RAPGEF6: variants seen among roughly 807,000 people sequenced by gnomAD.
RAPGEF6 encodes the protein PDZ domain containing guanine nucleotide exchange factor (GEF) 2.
Under a neutral mutation model 171.4 loss-of-function variants are expected in RAPGEF6, and 56 were observed. That is an observed-to-expected ratio of 0.33 (90% CI 0.26 to 0.41). RAPGEF6 has a LOEUF of 0.41. Ranked by LOEUF, RAPGEF6 falls within the 10% of genes least tolerant of loss-of-function variation. RAPGEF6 has a pLI of 1.00. For missense variants in RAPGEF6, 1,674 were observed against 1,921.4 expected, an observed-to-expected ratio of 0.87 and a Z score of 2.41; for synonymous variants, 692 against 650.1, an observed-to-expected ratio of 1.06 and a Z score of -0.98.
rs113337728 is a variant in RAPGEF6, at chr5:131,519,077, T to C, written c.627+2313A>G. On this transcript the variant is annotated intron_variant, in intron 7 of 27. Transcript: ENST00000509018. ...GTCATATGGATACTTTCTGAGGTGA[T>C]GGAAATATTCTACATATTGATATAG... 3.4e-3 allele frequency among the ~76,000 whole-genome samples: 515 copies of C among 152,292 alleles called. 2 individuals carry two copies. The highest frequency in any genetic ancestry group is 0.012 in the African/African-American group (493 of 41,572).
Position 131,525,628 on chromosome 5 carries a change from C to A in RAPGEF6, c.496-4107G>T, listed in dbSNP as rs985658689. ...ATGAGGGTATGATACAGTTCAAAGA[C>A]CTTCCTCCCACTTAGTTTCTATCAT... is the stretch of plus-strand genomic sequence containing the variant. On this transcript the variant is annotated intron_variant, in intron 6 of 27. Transcript: ENST00000509018. Among the ~76,000 whole-genome samples the A allele has an allele frequency of 5.3e-5, 8 of 150,386 alleles. No homozygotes were observed. In the Admixed American group the frequency reaches 5.4e-4, roughly 10 times the overall value.
At chr5:131,432,797 A>G (rs1751789222) in intron 25 of RAPGEF6, among the ~76,000 whole-genome samples, 1 of 152,076 alleles carries the variant, frequency 6.6e-6, no homozygotes. Context: ...ACATTTGCTG[A>G]CCTCTGGTGT....
At chr5:131,607,119 C>T (rs1764649797) in intron 1 of RAPGEF6, among the ~76,000 whole-genome samples, 1 of 152,120 alleles carries the variant, frequency 6.6e-6, no homozygotes, top group Non-Finnish European at 1.5e-5. Context: ...AATAATGGGT[C>T]CATGACCTGT....
chr5:131,452,848 T>C (rs887143336), intron 21 of RAPGEF6, among the ~76,000 whole-genome samples: 2 of 152,226 alleles, frequency 1.3e-5, no homozygotes, highest in Non-Finnish European at 2.9e-5. Context: ...CTGAGCTTCA[T>C]TCAGTTTCTT....
Position 131,431,248 on chromosome 5 carries a change from T to C in RAPGEF6, c.4076A>G (p.Asp1359Gly). 2 of 1,614,252 alleles carry C rather than the reference T, an allele frequency of 1.2e-6. No homozygotes were observed. The highest frequency in any genetic ancestry group is 1.3e-5 in the African/African-American group (1 of 75,072). ...SQEHIIIEAA[D>G]SGRGSWTSCS... Reference sequence around the variant, plus strand: ...CGAAGTCCAACTTCCACGACCACTGTCAGCTGCTTCTATAATGATATGCTC... The same window carrying C: ...CGAAGTCCAACTTCCACGACCACTGCCAGCTGCTTCTATAATGATATGCTC... Residue 1359 changes from aspartate (D) to glycine (G), a missense_variant, in exon 26 of 28, where the codon GAC becomes GGC. This residue lies in a region of RAPGEF6 where 552 missense variants were observed against 574.2 expected (regional missense o/e 0.96). Coordinates refer to ENST00000509018, the MANE Select transcript of RAPGEF6 (RefSeq NM_016340.6).
intron 8 of RAPGEF6, among the ~76,000 whole-genome samples, chr5:131,509,403 C>T (rs185614109): frequency 1.6e-3 from 250 of 151,992 alleles, no homozygotes; most frequent in Middle Eastern, 6.8e-3. Flanking sequence ...ATTAGCCAGG[C>T]GTGGTGGCGG....
intron 19 of RAPGEF6, 90 bp from the exon 20 acceptor site, chr5:131,456,102 G>A (rs2149827930): frequency 5.9e-6 from 5 of 854,032 alleles, no homozygotes; most frequent in Non-Finnish European, 9.1e-6. Flanking sequence ...TCTAATAAAA[G>A]TAAAAATAAG....
At chr5:131,563,569 T>G (rs1294956627) in intron 4 of RAPGEF6, among the ~76,000 whole-genome samples, 2 of 152,222 alleles carry the variant, frequency 1.3e-5, no homozygotes, top group East Asian at 3.8e-4. Context: ...AGTGGTGCAA[T>G]CACGGCTCAC....
intron 6 of RAPGEF6, among the ~76,000 whole-genome samples, chr5:131,523,715 T>C (rs1042589042): frequency 6.6e-5 from 10 of 151,908 alleles, no homozygotes; most frequent in South Asian, 2.1e-4. Context: ...AGCAAGATGA[T>C]AGCTAAGCAT....
chr5:131,428,647 A>C (rs1751513649), intron 27 of RAPGEF6, among the ~76,000 whole-genome samples: 1 of 151,884 alleles, frequency 6.6e-6, no homozygotes. Context: ...TTTTTAGTAG[A>C]GACGGGGTTT....
At position 131,505,496 on chromosome 5, in the gene RAPGEF6, G is replaced by T; in HGVS notation, c.969C>A (p.Asn323Lys). ...CTGGATGACTGATTTCCACAGTGCC[G>T]TTTAAAATAACATACCATGAGTCAA... Reference protein sequence around the residue: ...QELDSWYVILNGTVEISHPDG... With the variant: ...QELDSWYVILKGTVEISHPDG... The change falls in exon 10 of 28, where the codon AAC becomes AAA. Residue 323 changes from asparagine to lysine, a missense_variant. Asn to Lys is a moderately conservative substitution (Grantham distance 94). Coordinates refer to ENST00000509018, the MANE Select transcript of RAPGEF6 (RefSeq NM_016340.6). 6.2e-7 allele frequency: 1 copy of T among 1,613,104 alleles called. No individual in the cohort carries two copies. The highest frequency in any genetic ancestry group is 8.5e-7 in the Non-Finnish European group (1 of 1,179,504).
chr5:131,581,811 C>T (rs962347378), intron 4 of RAPGEF6, among the ~76,000 whole-genome samples: 1 of 152,142 alleles, frequency 6.6e-6, no homozygotes, highest in African/African-American at 2.4e-5. Flanking sequence ...TGCAAATGTA[C>T]TTTGTTAACA....
chr5:131,521,394 T>G lies in RAPGEF6; in HGVS notation c.623A>C (p.Tyr208Ser). 1 of 1,605,546 alleles carries G rather than the reference T, an allele frequency of 6.2e-7. No homozygotes were observed. Among genetic ancestry groups the G allele is most frequent in the Non-Finnish European group, 8.5e-7 (1 of 1,176,494 alleles). ...DSGSSSLSDI[Y>S]QATESEVGDV... is the part of the protein sequence containing the mutation. Reference sequence around the variant, plus strand: ...TACAAATTCCTAAGGTATTACCTGATAGATATCAGATAAACTGCTGCTTCC... The same window carrying G: ...TACAAATTCCTAAGGTATTACCTGAGAGATATCAGATAAACTGCTGCTTCC... Residue 208 changes from tyrosine (Y) to serine (S), a missense_variant, in exon 7 of 28, where the codon TAT becomes TCT. Physicochemically the swap from Tyr to Ser is moderately radical, Grantham distance 144. This residue lies in a region of RAPGEF6 where 1,116 missense variants were observed against 1,321.5 expected (regional missense o/e 0.84). Transcript: ENST00000509018.
chr5:131,465,853 G>A (rs929483999), intron 17 of RAPGEF6, among the ~76,000 whole-genome samples: 3 of 152,034 alleles, frequency 2.0e-5, no homozygotes, highest in Non-Finnish European at 2.9e-5. Flanking sequence ...GACTGCAGTG[G>A]GGGCAGGATG....
At chr5:131,522,726 T>A (rs1758580985) in intron 6 of RAPGEF6, among the ~76,000 whole-genome samples, 1 of 152,136 alleles carries the variant, frequency 6.6e-6, no homozygotes, top group African/African-American at 2.4e-5. Context: ...ATTTTCTGAT[T>A]CCTAAAGAAA....
At chr5:131,479,340 A>T (rs774266255) in intron 16 of RAPGEF6, among the ~76,000 whole-genome samples, 173 bp downstream of exon 16, 2 of 152,196 alleles carry the variant, frequency 1.3e-5, no homozygotes, top group Non-Finnish European at 2.9e-5. Flanking sequence ...TAGTAACTTC[A>T]TGAAAGTGAT....
chr5:131,497,534 G>A (rs549103138), intron 12 of RAPGEF6, among the ~76,000 whole-genome samples: 5 of 152,224 alleles, frequency 3.3e-5, no homozygotes, highest in African/African-American at 1.2e-4. Flanking sequence ...TTTGTTTATA[G>A]TATAAGGTGG....
chr5:131,522,268 A>G (rs1348359816), intron 6 of RAPGEF6, among the ~76,000 whole-genome samples: 1 of 152,166 alleles, frequency 6.6e-6, no homozygotes, highest in East Asian at 1.9e-4. Flanking sequence ...TAAAAGAGAC[A>G]TCTCACAAAA....
chr5:131,622,442 C>T (rs1023055303), intron 1 of RAPGEF6, among the ~76,000 whole-genome samples: 8 of 152,150 alleles, frequency 5.3e-5, no homozygotes, highest in Non-Finnish European at 1.2e-4. Context: ...TTGGACCAGC[C>T]TAGGTAAACT....
Sources: gnomAD v4.1 joint callset for allele counts (sites outside exome capture counted in the v4.1 genomes callset) on GRCh38, gnomAD v4.1.1 for gene constraint, gnomAD v4.1.1 regional missense constraint, MANE v1.5 for transcripts, NCBI Gene and HGNC (gene_info 2026-07-23, HGNC 2026-07-21) for gene names.